SKI: variants seen among roughly 807,000 people sequenced by gnomAD.
SKI encodes the protein SKI proto-oncogene, also known as ski oncogene.
Under a neutral mutation model 59.3 loss-of-function variants are expected in SKI, and 23 were observed. The observed-to-expected ratio is 0.39, with a 90% confidence interval of 0.28 to 0.55. SKI has a LOEUF of 0.55. Among genes scored for constraint, SKI ranks in the 20% least tolerant of loss-of-function variants. SKI has a pLI of 0.67. For missense variants in SKI, 1,017 were observed against 1,038.9 expected (o/e 0.98, Z 0.29); for synonymous variants, 673 against 488.6 (o/e 1.38, Z -4.98).
intron 5 of SKI, among the ~76,000 whole-genome samples, chr1:2,305,424 C>T (rs1248656933): frequency 3.3e-5 from 5 of 152,090 alleles, no homozygotes; most frequent in Non-Finnish European, 7.4e-5. Context: ...GCAGGGTTGC[C>T]GACGTGCCCT....
Position 2,228,697 on chromosome 1 carries a change from G to GGGC in SKI, c.-61_-59dup. On this transcript the variant is annotated 5_prime_UTR_variant, in exon 1 of 7. Coordinates refer to ENST00000378536, the MANE Select transcript of SKI (RefSeq NM_003036.4). Reference sequence around the variant, plus strand: ...GCCGCGGGCGCCGCCGGGGCGCGCGGGGCGGCGGCGGGGGCCGGGGGGGCC... The same window carrying GGGC: ...GCCGCGGGCGCCGCCGGGGCGCGCGGGGCGGCGGCGGCGGGGGCCGGGGGGGCC... The GGGC allele has an allele frequency of 1.6e-5, 15 of 941,820 alleles. No individual in the cohort carries two copies. Among genetic ancestry groups the GGGC allele is most frequent in the Non-Finnish European group, 1.9e-5 (15 of 793,752 alleles). 58.3% of individuals were successfully genotyped at this position (941,820 alleles called of 1,614,324 possible).
At chr1:2,284,703 C>G (rs1639995553) in intron 1 of SKI, among the ~76,000 whole-genome samples, 1 of 152,190 alleles carries the variant, frequency 6.6e-6, no homozygotes, top group Admixed American at 6.5e-5. Context: ...TGAGCCCTCC[C>G]TGGCCCCTGG....
chr1:2,295,710 C>T (rs1441679614), intron 1 of SKI, among the ~76,000 whole-genome samples: 1 of 68,188 alleles, frequency 1.5e-5, no homozygotes, highest in Non-Finnish European at 2.7e-5. Context: ...GTCCGGGCCA[C>T]GTGTGGCTAT....
At chr1:2,242,821 C>T (rs996954625) in intron 1 of SKI, among the ~76,000 whole-genome samples, 7 of 152,304 alleles carry the variant, frequency 4.6e-5, no homozygotes, top group African/African-American at 7.2e-5. Flanking sequence ...AAGTATTTTT[C>T]GTAATTGGAT....
intron 1 of SKI, among the ~76,000 whole-genome samples, chr1:2,264,144 T>G (rs1412066264): frequency 1.3e-5 from 2 of 152,258 alleles, no homozygotes; most frequent in Non-Finnish European, 2.9e-5. Context: ...TGGTTTGTGT[T>G]ACACAAGTAA....
chr1:2,286,794 G>T (rs989788233), intron 1 of SKI, among the ~76,000 whole-genome samples: 7 of 152,200 alleles, frequency 4.6e-5, no homozygotes, highest in South Asian at 2.1e-4. Flanking sequence ...GACTGGGTGG[G>T]ACCAACGCGA....
intron 1 of SKI, among the ~76,000 whole-genome samples, chr1:2,288,741 G>T (rs544336008): frequency 3.1e-4 from 47 of 152,322 alleles, no homozygotes; most frequent in African/African-American, 1.1e-3. Context: ...GTGGGCTGTT[G>T]TTGGCCTGCT....
chr1:2,237,409 A>G (rs917435099), intron 1 of SKI, among the ~76,000 whole-genome samples: 8 of 152,140 alleles, frequency 5.3e-5, no homozygotes, highest in Non-Finnish European at 1.0e-4. Flanking sequence ...GTCTTCTTCT[A>G]CAGGGGAAAC....
At chr1:2,273,082 C>T (rs759017020) in intron 1 of SKI, among the ~76,000 whole-genome samples, 1 of 152,252 alleles carries the variant, frequency 6.6e-6, no homozygotes, top group Non-Finnish European at 1.5e-5. Context: ...ACGGCTCTTC[C>T]TGAGATGGCT....
Position 2,270,342 on chromosome 1 carries a change from G to C in SKI, c.970-32636G>C, listed in dbSNP as rs1183498246. 6.6e-6 allele frequency among the ~76,000 whole-genome samples: 1 copy of C among 152,218 alleles called. No individual in the cohort carries two copies. The highest frequency in any genetic ancestry group is 1.5e-5 in the Non-Finnish European group (1 of 68,028). On this transcript the variant is annotated intron_variant, in intron 1 of 6. Transcript: ENST00000378536. This position sits in a 1 kb window ranked among gnomAD's most constrained non-coding sequence, Gnocchi z 4.1. ...CTGGTGACACCACTCTGACGCCACG[G>C]CCTGAGGCAGCCGTTGGACAGTGCC...
intron 1 of SKI, among the ~76,000 whole-genome samples, chr1:2,288,308 G>A (rs1260975278): frequency 6.6e-6 from 1 of 152,160 alleles, no homozygotes; most frequent in Non-Finnish European, 1.5e-5. Context: ...TTTTAGTAGA[G>A]ACAGGGTTTC....
intron 1 of SKI, among the ~76,000 whole-genome samples, chr1:2,238,173 C>T (rs984328913): frequency 3.9e-5 from 6 of 152,220 alleles, no homozygotes; most frequent in African/African-American, 1.2e-4. Flanking sequence ...CCTCATTGTC[C>T]GTGCTCAGAG....
Position 2,306,195 on chromosome 1 carries a change from G to A in SKI, c.1943G>A (p.Arg648Gln), listed in dbSNP as rs1489484319. 2 of 1,583,216 alleles carry A rather than the reference G, an allele frequency of 1.3e-6. No individual in the cohort carries two copies. The highest frequency in any genetic ancestry group is 8.6e-7 in the Non-Finnish European group (1 of 1,165,802). Residue 648 changes from arginine to glutamine, a missense_variant, in exon 6 of 7, where the codon CGG becomes CAG. Physicochemically the swap from Arg to Gln is conservative, Grantham distance 43. Transcript: ENST00000378536. The part of the protein sequence containing the change: ...KRELEQARQA[R>Q]VCDKGCEAGR... ...GAGCTGGAGCAGGCGCGGCAGGCCC[G>A]GGTGTGCGACAAGGGCTGCGAGGCG...
At chr1:2,257,458 G>A (rs1016377284) in intron 1 of SKI, among the ~76,000 whole-genome samples, 3 of 152,226 alleles carry the variant, frequency 2.0e-5, no homozygotes, top group Admixed American at 6.5e-5. Flanking sequence ...GCCAGAGCGC[G>A]TCGGCGTGGC....
intron 1 of SKI, among the ~76,000 whole-genome samples, chr1:2,233,564 G>A (rs375255044): frequency 4.6e-5 from 7 of 152,226 alleles, no homozygotes; most frequent in African/African-American, 1.4e-4. Flanking sequence ...AGCTCTGCGC[G>A]CTTCCCAGTG....
At chr1:2,256,923 G>A (rs543842996) in intron 1 of SKI, among the ~76,000 whole-genome samples, 4 of 152,308 alleles carry the variant, frequency 2.6e-5, no homozygotes, top group Non-Finnish European at 4.4e-5. Context: ...CCCGATCTTC[G>A]GGATGGTGCC....
chr1:2,246,467 C>T (rs977408628), intron 1 of SKI, among the ~76,000 whole-genome samples: 2 of 152,184 alleles, frequency 1.3e-5, no homozygotes, highest in African/African-American at 4.8e-5. Flanking sequence ...CTACTGCGTG[C>T]ACCGTGGTCG....
At chr1:2,233,719 T>C (rs1638693561) in intron 1 of SKI, among the ~76,000 whole-genome samples, 1 of 152,318 alleles carries the variant, frequency 6.6e-6, no homozygotes, top group South Asian at 2.1e-4. Flanking sequence ...TCTCGAGGTC[T>C]GTTCTGGGGA....
At chr1:2,302,219 C>G (rs1039263926) in intron 1 of SKI, among the ~76,000 whole-genome samples, 1 of 152,088 alleles carries the variant, frequency 6.6e-6, no homozygotes, top group African/African-American at 2.4e-5. Context: ...GCTTCCTCCA[C>G]CAGCGGGACC....
Sources: gnomAD v4.1 joint callset for allele counts (sites outside exome capture counted in the v4.1 genomes callset) on GRCh38, gnomAD v4.1.1 for gene constraint, Gnocchi (gnomAD v3.1) non-coding constraint, MANE v1.5 for transcripts, NCBI Gene and HGNC (gene_info 2026-07-23, HGNC 2026-07-21) for gene names.